P2RY14: variants seen among roughly 807,000 people sequenced by gnomAD.
P2RY14 encodes the protein P2Y purinoceptor 14.
A neutral mutation model predicts 0.9 loss-of-function variants in P2RY14; 2 were observed. The observed-to-expected ratio is 2.16, with a 90% CI of 0.88 to 6.79. The LOEUF is 6.79. P2RY14 is among the 30% of genes most tolerant of loss of function. The probability of loss-of-function intolerance (pLI) is 0.05; values close to 1 mark genes in which losing one functional copy is unlikely to be tolerated. For missense variants in P2RY14, 378 were observed against 400.1 expected (o/e 0.94, Z 0.47); for synonymous variants, 158 against 147.2 (o/e 1.07, Z -0.53).
intron 1 of P2RY14, among the ~76,000 whole-genome samples, chr3:151,219,901 C>T (rs962587474): frequency 7.1e-6 from 1 of 140,980 alleles, no homozygotes; most frequent in Non-Finnish European, 1.5e-5. Context: ...ACCCCCCCCC[C>T]CCCCTTGGAT....
At chr3:151,263,765 C>A (rs964112831) in intron 1 of P2RY14, among the ~76,000 whole-genome samples, 2 of 34,372 alleles carry the variant, frequency 5.8e-5, no homozygotes, top group Non-Finnish European at 1.1e-4. Context: ...CCCGTACCAC[C>A]CCCCCCACTT....
At chr3:151,269,110 C>T (rs547549855) in intron 1 of P2RY14, among the ~76,000 whole-genome samples, 5 of 152,134 alleles carry the variant, frequency 3.3e-5, no homozygotes, top group South Asian at 4.2e-4. Flanking sequence ...ATATTGACGA[C>T]GTACAAAAGG....
intron 2 of P2RY14, among the ~76,000 whole-genome samples, chr3:151,218,285 T>C (rs1484714404): frequency 6.6e-6 from 1 of 152,176 alleles, no homozygotes; most frequent in Non-Finnish European, 1.5e-5. Context: ...CTCATGCCAG[T>C]CCATTAAAGA....
At chr3:151,250,796 G>T (rs1318909387) in intron 1 of P2RY14, among the ~76,000 whole-genome samples, 2 of 152,148 alleles carry the variant, frequency 1.3e-5, no homozygotes, top group Admixed American at 6.5e-5. Context: ...AAGCAAAATT[G>T]CTGGATCATG....
At chr3:151,269,769 A>G (rs1740531940) in intron 1 of P2RY14, 1 of 425,542 alleles carries the variant, frequency 2.3e-6, no homozygotes, top group South Asian at 1.8e-5. Context: ...GTGGTGATCT[A>G]TTTTTAGAGT....
At chr3:151,252,609 A>G (rs550961826) in intron 1 of P2RY14, among the ~76,000 whole-genome samples, 1 of 152,218 alleles carries the variant, frequency 6.6e-6, no homozygotes, top group African/African-American at 2.4e-5. Context: ...TTCGTAAATG[A>G]TACTTCTAAA....
chr3:151,243,455 C>T (rs1250859188), intron 1 of P2RY14, among the ~76,000 whole-genome samples: 1 of 152,004 alleles, frequency 6.6e-6, no homozygotes, highest in Non-Finnish European at 1.5e-5. Flanking sequence ...GAGTGGGGGC[C>T]AATATTCAAC....
At chr3:151,246,252 C>G (rs1459040877) in intron 1 of P2RY14, among the ~76,000 whole-genome samples, 2 of 152,110 alleles carry the variant, frequency 1.3e-5, no homozygotes, top group South Asian at 2.1e-4. Flanking sequence ...CCTTTCTTCA[C>G]AGAATTGGAA....
intron 1 of P2RY14, among the ~76,000 whole-genome samples, chr3:151,250,509 A>G (rs1366428423): frequency 6.6e-6 from 1 of 152,204 alleles, no homozygotes; most frequent in Non-Finnish European, 1.5e-5. Context: ...TATCTCATAG[A>G]AGTGGAATCA....
chr3:151,244,531 G>A (rs1456588807), intron 1 of P2RY14, among the ~76,000 whole-genome samples: 4 of 149,400 alleles, frequency 2.7e-5, no homozygotes, highest in Admixed American at 6.7e-5. Context: ...GGTACATAAC[G>A]AAATGAAGGC....
intron 1 of P2RY14, among the ~76,000 whole-genome samples, chr3:151,276,471 AG>A (rs1372599504): frequency 6.6e-6 from 1 of 152,238 alleles, no homozygotes; most frequent in Non-Finnish European, 1.5e-5. Context: ...TGTTGGTGTC[AG>A]CCTACCTCCT....
At chr3:151,269,269 G>A (rs1472125062) in intron 1 of P2RY14, among the ~76,000 whole-genome samples, 2 of 152,036 alleles carry the variant, frequency 1.3e-5, no homozygotes, top group African/African-American at 4.8e-5. Flanking sequence ...GTGTGGTGGT[G>A]CATGCCTGTA....
intron 1 of P2RY14, among the ~76,000 whole-genome samples, chr3:151,223,049 T>C (rs1382882273): frequency 6.6e-6 from 1 of 152,096 alleles, no homozygotes; most frequent in African/African-American, 2.4e-5. Flanking sequence ...GAGATTCTCT[T>C]TGGAAAGAAA....
intron 1 of P2RY14, among the ~76,000 whole-genome samples, chr3:151,246,731 C>T (rs1157400242): frequency 6.6e-6 from 1 of 152,174 alleles, no homozygotes; most frequent in Non-Finnish European, 1.5e-5. Flanking sequence ...ATGTCTAAAA[C>T]ACCAAAAGCA....
intron 2 of P2RY14, among the ~76,000 whole-genome samples, chr3:151,217,019 A>G (rs1728369729): frequency 6.6e-6 from 1 of 152,196 alleles, no homozygotes; most frequent in South Asian, 2.1e-4. Context: ...TACTCATGGT[A>G]GGTACTGAGT....
At chr3:151,225,227 A>T (rs975145124) in intron 1 of P2RY14, among the ~76,000 whole-genome samples, 2 of 152,054 alleles carry the variant, frequency 1.3e-5, no homozygotes, top group African/African-American at 2.4e-5. Context: ...CTCTCTCTGT[A>T]ATTGGCTACA....
Position 151,213,803 on chromosome 3 carries a change from A to G in P2RY14, c.514T>C (p.Cys172Arg), listed in dbSNP as rs769583955. The G allele has an allele frequency of 6.8e-6, 11 of 1,614,188 alleles. No individual in the cohort carries two copies. The South Asian group carries it at 1.1e-4, about 16-fold the overall frequency. Reference sequence around the variant, plus strand: ...CCCAGTTCACTTTTCAGTTCTATACATTTTATTTGTGTAACCTCCCTAACA... The same window carrying G: ...CCCAGTTCACTTTTCAGTTCTATACGTTTTATTTGTGTAACCTCCCTAACA... ...QSVREVTQIK[C>R]IELKSELGRK... Residue 172 changes from cysteine to arginine, a missense_variant, in exon 3 of 3, where the codon TGT becomes CGT. By Grantham distance (180) the Cys-to-Arg change is radical. Transcript: ENST00000309170.
intron 1 of P2RY14, among the ~76,000 whole-genome samples, chr3:151,230,956 G>T (rs940827055): frequency 3.3e-5 from 5 of 152,162 alleles, no homozygotes; most frequent in Non-Finnish European, 5.9e-5. Context: ...GTTGAGTTGT[G>T]ACATCTTTTG....
intron 1 of P2RY14, among the ~76,000 whole-genome samples, chr3:151,268,130 A>G (rs1441242484): frequency 5.9e-5 from 9 of 152,156 alleles, no homozygotes; most frequent in Admixed American, 5.2e-4. Flanking sequence ...TTCAGCTTAC[A>G]TGTTTTCAAT....
Sources: gnomAD v4.1 joint callset for allele counts (sites outside exome capture counted in the v4.1 genomes callset) on GRCh38, gnomAD v4.1.1 for gene constraint, MANE v1.5 for transcripts, NCBI Gene and HGNC (gene_info 2026-07-23, HGNC 2026-07-21) for gene names.